The following ATP8A2 variants were observed in gnomAD, a reference collection of about 807,000 sequenced individuals.
ATP8A2 encodes phospholipid-transporting ATPase IB.
A neutral mutation model predicts 165.6 loss-of-function variants in ATP8A2; 100 were observed. That is an observed-to-expected ratio of 0.60 (90% CI 0.51 to 0.71). The LOEUF (loss-of-function observed/expected upper bound fraction) is 0.71, where lower values mean the gene tolerates loss of function less well. Among genes scored for constraint, ATP8A2 ranks in the 30% least tolerant of loss-of-function variants. The pLI, the probability that ATP8A2 is intolerant of heterozygous loss-of-function variation, is 0.00. For synonymous variants in ATP8A2, 543 were observed against 548.8 expected (o/e 0.99, Z 0.15); for missense variants, 1,227 against 1,479.5 (o/e 0.83, Z 2.80).
At chr13:25,417,245 A>T (rs139342372) in intron 1 of ATP8A2, among the ~76,000 whole-genome samples, 1,742 of 152,172 alleles carry the variant, frequency 0.011, 33 homozygotes, top group African/African-American at 0.04. Context: ...TGTTTCATTC[A>T]TCTTCAGCCT....
chr13:25,791,639 A>G (rs1030224473), intron 27 of ATP8A2, among the ~76,000 whole-genome samples: 3 of 152,038 alleles, frequency 2.0e-5, no homozygotes, highest in African/African-American at 7.2e-5. Context: ...TCCATGCGAA[A>G]GTGGTTTCTC....
At position 25,924,566 on chromosome 13, in the gene ATP8A2, A is replaced by G. The variant is rs60993961; in HGVS notation, c.3184-37009A>G. ...ACCCTATTTACCTCATTTCAACCTA[A>G]TTGTATCTGCAATGACCCTATTTCC... On this transcript the variant is annotated intron_variant, in intron 33 of 36. Coordinates refer to ENST00000381655, the MANE Select transcript of ATP8A2 (RefSeq NM_016529.6). Among the ~76,000 whole-genome samples, 1,078 of 152,182 alleles carry G rather than the reference A, an allele frequency of 7.1e-3. 11 individuals are homozygous for G. The highest frequency in any genetic ancestry group is 0.023 in the African/African-American group (936 of 41,526).
chr13:25,447,194 T>TG (rs1437622481), intron 1 of ATP8A2, among the ~76,000 whole-genome samples: 1 of 152,190 alleles, frequency 6.6e-6, no homozygotes, highest in Non-Finnish European at 1.5e-5. Context: ...TGACAAATAA[T>TG]TTTTGGGGGG....
chr13:25,693,470 C>T (rs921231838), intron 24 of ATP8A2, among the ~76,000 whole-genome samples: 2 of 152,014 alleles, frequency 1.3e-5, no homozygotes, highest in Non-Finnish European at 2.9e-5. Context: ...CTGGAGGGCT[C>T]TTAGTGGTAG....
chr13:25,825,767 T>A (rs1259111522), intron 27 of ATP8A2, among the ~76,000 whole-genome samples: 1 of 152,066 alleles, frequency 6.6e-6, no homozygotes, highest in Non-Finnish European at 1.5e-5. Context: ...GGGATGGCTA[T>A]TATTTGAATA....
At chr13:25,602,005 A>T (rs973236807) in intron 24 of ATP8A2, among the ~76,000 whole-genome samples, 1 of 151,002 alleles carries the variant, frequency 6.6e-6, no homozygotes, top group Non-Finnish European at 1.5e-5. Flanking sequence ...GAAACTTTCT[A>T]TTTTTTTTTC....
chr13:25,774,914 C>T lies in ATP8A2; in HGVS notation c.2634C>T (p.Cys878=), dbSNP rs1412809979. Residue 878 remains cysteine, a synonymous_variant, in exon 27 of 37, where the codon TGC becomes TGT. Transcript: ENST00000381655. Reference sequence around the variant, plus strand: ...GGAGCTACAACCGGGTGACCAAGTGCATCTTGTACTGCTTCTATAAGAACG... The same window carrying T: ...GGAGCTACAACCGGGTGACCAAGTGTATCTTGTACTGCTTCTATAAGAACG... The part of the protein sequence containing the change: ...GAWSYNRVTK[C]ILYCFYKNVV... 6.2e-7 allele frequency: 1 copy of T among 1,613,482 alleles called. No individual in the cohort carries two copies.
chr13:25,756,952 G>A (rs1245566074), intron 25 of ATP8A2, among the ~76,000 whole-genome samples: 3 of 152,286 alleles, frequency 2.0e-5, no homozygotes, highest in South Asian at 2.1e-4. Context: ...GAGGCAGGGA[G>A]CCCCTGTACA....
At chr13:26,011,651 A>G (rs1181893803) in intron 35 of ATP8A2, among the ~76,000 whole-genome samples, 1 of 152,222 alleles carries the variant, frequency 6.6e-6, no homozygotes, top group African/African-American at 2.4e-5. Flanking sequence ...AGAAATAAAC[A>G]GACTGGGCAT....
chr13:25,944,467 AC>A (rs1433349084), intron 33 of ATP8A2: 3 of 152,270 alleles, frequency 2.0e-5, no homozygotes, highest in Non-Finnish European at 4.4e-5. Context: ...AGACTGCACC[AC>A]TGCACTCCAG....
chr13:25,667,749 C>T (rs760985495), intron 24 of ATP8A2, among the ~76,000 whole-genome samples: 5 of 152,026 alleles, frequency 3.3e-5, no homozygotes, highest in Admixed American at 6.5e-5. Flanking sequence ...CACTTAACAT[C>T]TAATACTGCT....
intron 35 of ATP8A2, among the ~76,000 whole-genome samples, chr13:25,997,062 T>C (rs1172418576): frequency 6.6e-6 from 1 of 152,202 alleles, no homozygotes. Flanking sequence ...CAAGTGATCC[T>C]CCTGCCTTGG....
chr13:25,413,387 T>C, intron 1 of ATP8A2, among the ~76,000 whole-genome samples: 1 of 150,418 alleles, frequency 6.6e-6, no homozygotes, highest in Non-Finnish European at 1.5e-5. Flanking sequence ...GTTCAAGCGA[T>C]TCTCCTGCCT....
chr13:25,681,912 G>A (rs1019320666), intron 24 of ATP8A2, among the ~76,000 whole-genome samples: 2 of 152,188 alleles, frequency 1.3e-5, no homozygotes, highest in African/African-American at 4.8e-5. Flanking sequence ...TGCCTTGGAT[G>A]TGGTCTGGTT....
rs1302349717 is a variant in ATP8A2 at position 25,958,627 on chromosome 13, A to G, written c.3184-2948A>G. Reference sequence around the variant, plus strand: ...GAGTTCCTAGGCATATGGCATGTAAATGGTCAGTAGATCACCTTAGAAGGA... The same window carrying G: ...GAGTTCCTAGGCATATGGCATGTAAGTGGTCAGTAGATCACCTTAGAAGGA... On this transcript the variant is annotated intron_variant, in intron 33 of 36. Coordinates refer to ENST00000381655, the MANE Select transcript of ATP8A2 (RefSeq NM_016529.6). Among the ~76,000 whole-genome samples, 4 of 152,180 alleles carry G rather than the reference A, an allele frequency of 2.6e-5. No homozygotes were observed. In the East Asian group the frequency reaches 7.7e-4, roughly 29 times the overall value.
intron 27 of ATP8A2, among the ~76,000 whole-genome samples, chr13:25,823,819 T>C (rs1951239412): frequency 6.6e-6 from 1 of 152,192 alleles, no homozygotes; most frequent in African/African-American, 2.4e-5. Flanking sequence ...TTTTCTTCTG[T>C]TATATCTTTG....
chr13:25,822,702 A>G (rs1951213159), intron 27 of ATP8A2, among the ~76,000 whole-genome samples: 1 of 152,182 alleles, frequency 6.6e-6, no homozygotes, highest in South Asian at 2.1e-4. Flanking sequence ...CTATTCATTT[A>G]ATATCAGTTT....
chr13:25,973,463 C>T (rs1399893153), intron 35 of ATP8A2, among the ~76,000 whole-genome samples: 1 of 151,970 alleles, frequency 6.6e-6, no homozygotes, highest in Admixed American at 6.5e-5. Flanking sequence ...CTCTCTCTGC[C>T]GAAAAATAGG....
At chr13:25,943,863 T>A (rs1955139187) in intron 33 of ATP8A2, among the ~76,000 whole-genome samples, 1 of 152,230 alleles carries the variant, frequency 6.6e-6, no homozygotes, top group Non-Finnish European at 1.5e-5. Flanking sequence ...TGTAGCAGCT[T>A]TGCTTTATTG....
Sources: gnomAD v4.1 joint callset for allele counts (sites outside exome capture counted in the v4.1 genomes callset) on GRCh38, gnomAD v4.1.1 for gene constraint, MANE v1.5 for transcripts, NCBI Gene and HGNC (gene_info 2026-07-23, HGNC 2026-07-21) for gene names.